Variants in MTMR4 observed in about 807,000 individuals in gnomAD.
The protein encoded by MTMR4 is phosphatidylinositol-3,5-bisphosphate 3-phosphatase MTMR4.
MTMR4 carries 30 observed loss-of-function variants against 125.5 expected under a neutral mutation model. The ratio of observed to expected loss-of-function variants is 0.24; its 90% confidence interval spans 0.18 to 0.32. MTMR4 has a LOEUF of 0.32. Ranked by LOEUF, MTMR4 falls within the 10% of genes least tolerant of loss-of-function variation. The pLI, the probability that MTMR4 is intolerant of heterozygous loss-of-function variation, is 1.00. For missense variants in MTMR4, 1,039 were observed against 1,511.5 expected (o/e 0.69, Z 5.18); for synonymous variants, 498 against 564.5 (o/e 0.88, Z 1.67).
At chr17:58,509,813 G>A (rs558961895) in intron 4 of MTMR4, among the ~76,000 whole-genome samples, 2 of 152,236 alleles carry the variant, frequency 1.3e-5, no homozygotes, top group South Asian at 4.1e-4. Context: ...TTGAAGGGAA[G>A]GGCAATGTGA....
upstream of MTMR4, chr17:58,515,174 T>G: frequency 2.1e-6 from 1 of 485,748 alleles, no homozygotes; most frequent in Non-Finnish European, 2.7e-6. Context: ...TTCTGATCTC[T>G]GGGTAAGAAA....
chr17:58,505,395 C>A, intron 10 of MTMR4, 77 bp downstream of exon 10: 1 of 1,285,212 alleles, frequency 7.8e-7, no homozygotes, highest in Non-Finnish European at 1.1e-6. Flanking sequence ...CTTCTCATCT[C>A]CCCATCTAAT....
At chr17:58,502,109 T>C (rs1440403652) in intron 14 of MTMR4, among the ~76,000 whole-genome samples, 2 of 149,260 alleles carry the variant, frequency 1.3e-5, no homozygotes, top group Non-Finnish European at 3.0e-5. Flanking sequence ...CCTACTAAAC[T>C]ATGTACTTAA....
chr17:58,490,252 ATTTACCAT>A lies in MTMR4; in HGVS notation c.*1403_*1410del, dbSNP rs1975283121. On this transcript the variant is annotated 3_prime_UTR_variant, in exon 18 of 18. Transcript: ENST00000682306. The stretch of plus-strand genomic sequence containing the variant: ...TCAAAACAGGATAAGCCTAAATATA[ATTTACCAT>A]TTATATGTCAACAAATTAAGGAAAA... The A allele has an allele frequency of 1.3e-5, 2 of 152,566 alleles. No individual in the cohort carries two copies. Among genetic ancestry groups the A allele is most frequent in the African/African-American group, 2.4e-5 (1 of 41,454 alleles). 9.5% of individuals were successfully genotyped at this position (152,566 alleles called of 1,614,324 possible). A position where few individuals can be genotyped will look rare whatever the true frequency, so the allele number is the denominator to read the frequency against.
rs375637414 is a variant in MTMR4 at position 58,505,465 on chromosome 17, C to T, written c.1145+7G>A. On this transcript the variant is annotated splice_region_variant and intron_variant, in intron 10 of 17. Coordinates refer to ENST00000682306, the MANE Select transcript of MTMR4 (RefSeq NM_001378067.1). ...GACTGGAAGGAATCCAAGTAGGGAA[C>T]ACCTACTTGCTAGGATCCGGCATCT... 5.2e-4 allele frequency: 825 copies of T among 1,593,992 alleles called. No homozygotes were observed. Among genetic ancestry groups the T allele is most frequent in the Non-Finnish European group, 6.8e-4 (788 of 1,162,830 alleles).
At chr17:58,501,616 G>A (rs1224853709) in intron 14 of MTMR4, among the ~76,000 whole-genome samples, 1 of 150,600 alleles carries the variant, frequency 6.6e-6, no homozygotes, top group East Asian at 2.0e-4. Context: ...ATATGTATAT[G>A]TCTATGTATA....
intron 17 of MTMR4, among the ~76,000 whole-genome samples, chr17:58,492,061 G>A (rs538451340): frequency 2.8e-4 from 43 of 152,214 alleles, no homozygotes; most frequent in African/African-American, 9.9e-4. Context: ...CTGAGAATGA[G>A]TGATACTAAA....
rs1975435117 is a variant in MTMR4 at position 58,495,394 on chromosome 17, T to C, written c.2790A>G (p.Ser930=). The C allele has an allele frequency of 1.9e-6, 3 of 1,614,118 alleles. No homozygotes were observed. The highest frequency in any genetic ancestry group is 2.2e-5 in the South Asian group (2 of 91,088). Residue 930 remains serine, a synonymous_variant, in exon 15 of 18, where the codon TCA becomes TCG. Coordinates refer to ENST00000682306, the MANE Select transcript of MTMR4 (RefSeq NM_001378067.1). Reference sequence around the variant, plus strand: ...GAGGGGTGGCCTCCCCACTTGGGAATGAAGTCACCATCCCTTGGAAGCTGT... The same window carrying C: ...GAGGGGTGGCCTCCCCACTTGGGAACGAAGTCACCATCCCTTGGAAGCTGT... ...NWDSFQGMVT[S]FPSGEATPRR...
chr17:58,497,439 G>T (rs956145868), intron 14 of MTMR4, among the ~76,000 whole-genome samples: 1 of 152,102 alleles, frequency 6.6e-6, no homozygotes, highest in East Asian at 1.9e-4. Flanking sequence ...CATCTTTGCT[G>T]TGTGACTTTA....
At chr17:58,502,249 C>T (rs146539980) in intron 14 of MTMR4, among the ~76,000 whole-genome samples, 4 of 151,334 alleles carry the variant, frequency 2.6e-5, no homozygotes, top group Non-Finnish European at 5.9e-5. Flanking sequence ...CTCCACCCCC[C>T]CAGATTCAAG....
chr17:58,494,020 T>C (rs752608005), intron 15 of MTMR4, among the ~76,000 whole-genome samples: 13 of 152,032 alleles, frequency 8.6e-5, no homozygotes, highest in Admixed American at 1.3e-4. Flanking sequence ...CTCATTAAAA[T>C]TGTACACTGT....
intron 14 of MTMR4, among the ~76,000 whole-genome samples, chr17:58,503,069 A>C (rs1975682929): frequency 6.6e-6 from 1 of 152,138 alleles, no homozygotes; most frequent in Non-Finnish European, 1.5e-5. Flanking sequence ...CTGGAAGCTA[A>C]TGCTGGACAC....
Position 58,496,218 on chromosome 17 carries a change from C to T in MTMR4, c.1966G>A (p.Val656Ile), listed in dbSNP as rs751502639. Reference protein sequence around the residue: ...NLNNHCQEVRVGLEPWHSNPE... With the variant: ...NLNNHCQEVRIGLEPWHSNPE... ...TTGCTGTGCCAGGGCTCCAGGCCTA[C>T]CCTGACCTCCTGACAGTGGTTATTC... Residue 656 changes from valine to isoleucine, a missense_variant, in exon 15 of 18, where the codon GTA becomes ATA. Around this residue, in one of 6 missense-constraint regions of MTMR4, gnomAD observed 619 missense variants for 714.5 expected, o/e 0.87. Coordinates refer to ENST00000682306, the MANE Select transcript of MTMR4 (RefSeq NM_001378067.1). The T allele has an allele frequency of 1.2e-6, 2 of 1,614,160 alleles. No individual in the cohort carries two copies. The highest frequency in any genetic ancestry group is 2.2e-5 in the South Asian group (2 of 91,090).
intron 14 of MTMR4, 36 bp downstream of exon 14, chr17:58,503,708 G>C (rs376712210): frequency 2.1e-5 from 33 of 1,586,496 alleles, no homozygotes; most frequent in Non-Finnish European, 2.6e-6. Flanking sequence ...TGCCTTCCTA[G>C]TGGAGAGAGG....
Position 58,512,416 on chromosome 17 carries a change from T to C in MTMR4, c.226A>G (p.Ile76Val), listed in dbSNP as rs370935524. The part of the protein sequence containing the change: ...LIAISNYRLH[I>V]KFKDSVINVP... ...TTGATGACAGAGTCCTTGAATTTGA[T>C]ATGCAGCCGGTAGTTAGAGATGGCA... Residue 76 changes from isoleucine to valine, a missense_variant, in exon 3 of 18, where the codon ATC becomes GTC. This residue lies in a region of MTMR4 where 202 missense variants were observed against 311.9 expected (regional missense o/e 0.65). Transcript: ENST00000682306. The surrounding 1 kb of genome is among the most constrained non-coding windows in gnomAD (Gnocchi z 4.1). 6.2e-7 allele frequency: 1 copy of C among 1,614,014 alleles called. No individual in the cohort carries two copies. Among genetic ancestry groups the C allele is most frequent in the African/African-American group, 1.3e-5 (1 of 74,916 alleles).
At chr17:58,516,035 C>T (rs938898003), upstream of MTMR4, among the ~76,000 whole-genome samples, 1 of 152,180 alleles carries the variant, frequency 6.6e-6, no homozygotes, top group African/African-American at 2.4e-5. Flanking sequence ...CATTGTAAAC[C>T]ACCTCTGGTG....
chr17:58,516,535 G>A (rs1365490888), upstream of MTMR4: 4 of 1,610,788 alleles, frequency 2.5e-6, no homozygotes, highest in African/African-American at 1.3e-5. Flanking sequence ...AAAGACACAT[G>A]GATTACAGAA....
upstream of MTMR4, among the ~76,000 whole-genome samples, chr17:58,517,510 C>T (rs541086254): frequency 6.6e-6 from 1 of 152,362 alleles, no homozygotes; most frequent in African/African-American, 2.4e-5. Flanking sequence ...AAGAGGCAAG[C>T]CAGAGGTGCT....
chr17:58,504,566 G>C lies in MTMR4; in HGVS notation c.1342-78C>G. ...GCTACTCCCCTGGGAACTGCCCAAA[G>C]CAGGAAGCTGGCAGCTTCAAAGAAA... On this transcript the variant is annotated intron_variant, in intron 11 of 17. Transcript: ENST00000682306. This position sits in a 1 kb window ranked among gnomAD's most constrained non-coding sequence, Gnocchi z 7.1. The C allele has an allele frequency of 6.6e-7, 1 of 1,504,190 alleles. No homozygotes were observed. 93.2% of individuals were successfully genotyped at this position (1,504,190 alleles called of 1,614,324 possible).
Sources: gnomAD v4.1 joint callset for allele counts (sites outside exome capture counted in the v4.1 genomes callset) on GRCh38, gnomAD v4.1.1 for gene constraint, gnomAD v4.1.1 regional missense constraint, Gnocchi (gnomAD v3.1) non-coding constraint, MANE v1.5 for transcripts, NCBI Gene and HGNC (gene_info 2026-07-23, HGNC 2026-07-21) for gene names.